COP1: variants seen among roughly 807,000 people sequenced by gnomAD.
COP1 encodes COP1 E3 ubiquitin ligase, also known as E3 ubiquitin-protein ligase COP1.
A neutral mutation model predicts 101.3 loss-of-function variants in COP1; 24 were observed. The observed-to-expected ratio is 0.24, with a 90% CI of 0.17 to 0.33. The LOEUF is 0.33. COP1 is among the 10% of genes least tolerant of loss of function. The probability of loss-of-function intolerance (pLI) is 1.00; values close to 1 mark genes in which losing one functional copy is unlikely to be tolerated. For synonymous variants in COP1, 347 were observed against 341.9 expected (o/e 1.01, Z -0.17); for missense variants, 663 against 906.2 (o/e 0.73, Z 3.45).
chr1:175,960,963 A>G (rs1413017014), intron 18 of COP1, among the ~76,000 whole-genome samples: 2 of 152,190 alleles, frequency 1.3e-5, no homozygotes, highest in African/African-American at 4.8e-5. Flanking sequence ...GCACCATCCA[A>G]TCAGCTGGGG....
In COP1 at chr1:175,989,379, A is replaced by G; in HGVS notation, c.1830T>C (p.Gly610=). The change falls in exon 16 of 20, where the codon GGT becomes GGC. Residue 610 remains glycine (G), a synonymous_variant. Transcript: ENST00000367669. ...ATACTCACGCAGAGACAATTTCCTC[A>G]CCACTCACAAACTTTGCATAAGAGA... The part of the protein sequence containing the change: ...KAVSYAKFVS[G]EEIVSASTDS... The G allele has an allele frequency of 6.3e-7, 1 of 1,578,230 alleles. No individual in the cohort carries two copies. The highest frequency in any genetic ancestry group is 8.7e-7 in the Non-Finnish European group (1 of 1,147,446).
chr1:176,066,968 T>C (rs1676100256), intron 11 of COP1, among the ~76,000 whole-genome samples: 1 of 152,174 alleles, frequency 6.6e-6, no homozygotes, highest in Non-Finnish European at 1.5e-5. Flanking sequence ...AGTATCCTGG[T>C]ACACATGCAA....
intron 5 of COP1, among the ~76,000 whole-genome samples, chr1:176,151,575 CTTT>C (rs1213053566): frequency 6.6e-6 from 1 of 152,080 alleles, no homozygotes; most frequent in Non-Finnish European, 1.5e-5. Context: ...CATTGGTCTT[CTTT>C]ATTTTCCTAC....
At chr1:176,080,446 A>G (rs2481648) in intron 11 of COP1, among the ~76,000 whole-genome samples, 142,957 of 152,166 alleles carry the variant, frequency 0.94, 67,602 homozygotes, top group East Asian at 1. Flanking sequence ...ACAGAAAACA[A>G]AAAAATACAG....
At chr1:176,013,936 C>A (rs529169153) in intron 15 of COP1, among the ~76,000 whole-genome samples, 26 of 152,118 alleles carry the variant, frequency 1.7e-4, no homozygotes, top group Middle Eastern at 3.4e-3. Context: ...TTACTCAGCC[C>A]GATTTTATAA....
At chr1:176,139,505 A>C (rs1690340285) in intron 6 of COP1, among the ~76,000 whole-genome samples, 1 of 152,128 alleles carries the variant, frequency 6.6e-6, no homozygotes, top group Non-Finnish European at 1.5e-5. Context: ...CCCAAAGACA[A>C]GTGTATTTGT....
At chr1:176,197,369 T>C (rs564463329) in intron 1 of COP1, among the ~76,000 whole-genome samples, 1 of 152,302 alleles carries the variant, frequency 6.6e-6, no homozygotes, top group South Asian at 2.1e-4. Context: ...AGCAGTGTGA[T>C]GGTGCCACTG....
rs753252247 is a variant in COP1 at position 176,135,092 on chromosome 1, A to G, written c.892-6T>C. The G allele has an allele frequency of 4.4e-6, 7 of 1,580,366 alleles. No homozygotes were observed. ...GAGTATAAGCCACTCATTTCCTGAA[A>G]ATAAAATTATTTGAATTATAGTAGA... On this transcript the variant is annotated splice_polypyrimidine_tract_variant and splice_region_variant and intron_variant, in intron 7 of 19. Transcript: ENST00000367669.
At chr1:176,047,813 G>A (rs1479778464) in intron 11 of COP1, among the ~76,000 whole-genome samples, 1 of 152,168 alleles carries the variant, frequency 6.6e-6, no homozygotes, top group Non-Finnish European at 1.5e-5. Context: ...GGTGGCTCAT[G>A]CCTGCAATCC....
rs767732564 is a variant in COP1, at chr1:175,948,591, C to T, written c.2134-1352G>A. On this transcript the variant is annotated intron_variant, in intron 18 of 19. Transcript: ENST00000367669. The stretch of plus-strand genomic sequence containing the variant: ...TAGTTTCTTTGACATATGCAAGTTG[C>T]GCTTTACAAACTCATACATTTCCAT... 3.9e-4 allele frequency among the ~76,000 whole-genome samples: 59 copies of T among 152,160 alleles called. 1 individual carries two copies. The highest frequency in any genetic ancestry group is 1.9e-4 in the Non-Finnish European group (13 of 68,022).
chr1:176,135,008 A>T lies in COP1; in HGVS notation c.968+2T>A, dbSNP rs774370675. ...AATCAATTGCAAGTGTGAAGCTTGT[A>T]CCTGTGTGATGGAGAAGGAGCTTCA... On this transcript the variant is annotated splice_donor_variant, in intron 8 of 19. Coordinates refer to ENST00000367669, the MANE Select transcript of COP1 (RefSeq NM_022457.7). LOFTEE classifies it high-confidence loss of function. The T allele has an allele frequency of 6.2e-7, 1 of 1,604,448 alleles. No homozygotes were observed. The highest frequency in any genetic ancestry group is 1.7e-5 in the Admixed American group (1 of 59,816).
chr1:176,082,059 C>G (rs1679246678), intron 10 of COP1, among the ~76,000 whole-genome samples: 1 of 152,144 alleles, frequency 6.6e-6, no homozygotes, highest in South Asian at 2.1e-4. Context: ...TACGAAGTAC[C>G]TGAGAATACA....
At chr1:176,046,118 G>A in intron 12 of COP1, 63 bp downstream of exon 12, 1 of 1,322,980 alleles carries the variant, frequency 7.6e-7, no homozygotes, top group Non-Finnish European at 1.1e-6. Context: ...ATAATCTCAT[G>A]ATAATTACAT....
At chr1:176,087,368 C>T (rs970465292) in intron 9 of COP1, among the ~76,000 whole-genome samples, 9 of 152,120 alleles carry the variant, frequency 5.9e-5, no homozygotes, top group African/African-American at 1.7e-4. Context: ...ATCTGACAAA[C>T]GGCTAAAATC....
intron 5 of COP1, among the ~76,000 whole-genome samples, chr1:176,155,561 C>T (rs1029827577): frequency 2.0e-5 from 3 of 151,898 alleles, no homozygotes; most frequent in Admixed American, 2.0e-4. Context: ...GAGCAAAGGG[C>T]TGAACAAGTA....
chr1:176,165,036 A>G (rs1694883853), intron 3 of COP1, among the ~76,000 whole-genome samples: 1 of 152,154 alleles, frequency 6.6e-6, no homozygotes, highest in Non-Finnish European at 1.5e-5. Context: ...GTATATCACA[A>G]TGCAAGTATA....
chr1:175,995,735 T>C (rs1307037987), intron 15 of COP1, among the ~76,000 whole-genome samples: 1 of 152,148 alleles, frequency 6.6e-6, no homozygotes, highest in Non-Finnish European at 1.5e-5. Flanking sequence ...TAACAGGCTC[T>C]GAAATTGTGG....
At chr1:175,967,171 T>C (rs1263953900) in intron 18 of COP1, among the ~76,000 whole-genome samples, 1 of 152,168 alleles carries the variant, frequency 6.6e-6, no homozygotes, top group African/African-American at 2.4e-5. Context: ...AAATATGGGA[T>C]TTCAGAACCA....
At chr1:176,019,150 A>G (rs983113150) in intron 15 of COP1, among the ~76,000 whole-genome samples, 1 of 150,630 alleles carries the variant, frequency 6.6e-6, no homozygotes, top group Non-Finnish European at 1.5e-5. Context: ...TGGGCAACAG[A>G]GCGAGAATAG....
Sources: allele counts gnomAD v4.1 joint callset (sites outside exome capture counted in the v4.1 genomes callset), GRCh38; gene constraint gnomAD v4.1.1; transcripts MANE v1.5; gene names NCBI Gene and HGNC (gene_info 2026-07-23, HGNC 2026-07-21).